Variants in CHST15 observed in about 807,000 individuals in gnomAD.
CHST15 encodes B cell RAG associated protein (GALNAC4S-6ST).
In CHST15, 30 loss-of-function variants were observed where a neutral mutation model predicts 53.6. The observed-to-expected ratio is 0.56, with a 90% CI of 0.42 to 0.76. The LOEUF (loss-of-function observed/expected upper bound fraction) is 0.76. CHST15 is among the 30% of genes least tolerant of loss of function. The pLI is 0.00. For missense variants in CHST15, 627 were observed against 740.5 expected (o/e 0.85, Z 1.78); for synonymous variants, 296 against 289.8 (o/e 1.02, Z -0.22).
Position 124,046,250 on chromosome 10 carries a change from C to T in CHST15, c.-38G>A. ...GCCCTGGGCTGCTGGCTTACCGAGC[C>T]ATGGGTGGGCCCCCCACGAGTCTGG... On this transcript the variant is annotated 5_prime_UTR_variant, in exon 2 of 8. The change abolishes an upstream ATG in the 5' untranslated region. Transcript: ENST00000435907. 6.5e-7 allele frequency: 1 copy of T among 1,536,972 alleles called. No homozygotes were observed.
At chr10:124,078,184 C>A (rs1334026688) in intron 1 of CHST15, among the ~76,000 whole-genome samples, 6 of 152,226 alleles carry the variant, frequency 3.9e-5, no homozygotes, top group Non-Finnish European at 5.9e-5. Context: ...AGGACAGCCC[C>A]AGGGCACACA....
intron 1 of CHST15, among the ~76,000 whole-genome samples, chr10:124,049,964 G>A (rs74815147): frequency 0.011 from 1,723 of 152,254 alleles, 32 homozygotes; most frequent in African/African-American, 0.039. Context: ...TGAATTGAAT[G>A]GTAAGATAAT....
Position 124,022,811 on chromosome 10 carries a change from CTTT to C in CHST15, c.1191-1402_1191-1400del, listed in dbSNP as rs924775599. On this transcript the variant is annotated intron_variant, in intron 5 of 7. Coordinates refer to ENST00000435907, the MANE Select transcript of CHST15 (RefSeq NM_001270764.2). Reference sequence around the variant, plus strand: ...CCCCTCGCCCTGCTCCTTGGCATTTCTTTTTTTTTTTTTTTTTTTTTTTGAGAC... The same window carrying C: ...CCCCTCGCCCTGCTCCTTGGCATTTCTTTTTTTTTTTTTTTTTTTTGAGAC... Among the ~76,000 whole-genome samples, 22 of 100,422 alleles carry C rather than the reference CTTT, an allele frequency of 2.2e-4. No homozygotes were observed. The South Asian group carries it at 6.4e-3, about 29-fold the overall frequency. The allele number at this position is 100,422 out of a possible 152,430, so 65.9% of individuals were successfully genotyped here.
intron 7 of CHST15, among the ~76,000 whole-genome samples, chr10:124,012,023 C>T (rs142507524): frequency 1.3e-4 from 20 of 152,284 alleles, no homozygotes; most frequent in African/African-American, 4.3e-4. Context: ...ACCTTCCCCA[C>T]GGCATCCTAC....
chr10:124,079,498 T>C (rs528020279), intron 1 of CHST15, among the ~76,000 whole-genome samples: 2 of 152,168 alleles, frequency 1.3e-5, no homozygotes, highest in Admixed American at 6.5e-5. Context: ...GTTCAGGGTG[T>C]CCTGATGCAG....
intron 1 of CHST15, among the ~76,000 whole-genome samples, chr10:124,061,893 G>A (rs1227084163): frequency 1.3e-5 from 2 of 152,038 alleles, no homozygotes; most frequent in Non-Finnish European, 2.9e-5. Context: ...GGCAGAGGTG[G>A]GCTAAAGACT....
intron 6 of CHST15, among the ~76,000 whole-genome samples, chr10:124,013,166 C>A (rs1022332773): frequency 3.9e-5 from 6 of 152,170 alleles, no homozygotes; most frequent in Non-Finnish European, 5.9e-5. Context: ...GATGTCTGGG[C>A]CCCTGGATGT....
intron 1 of CHST15, among the ~76,000 whole-genome samples, chr10:124,054,937 A>G (rs911392995): frequency 2.0e-5 from 3 of 152,178 alleles, no homozygotes; most frequent in African/African-American, 7.2e-5. Flanking sequence ...CTCTTCCTGC[A>G]TACTCCAAGC....
intron 3 of CHST15, among the ~76,000 whole-genome samples, chr10:124,044,112 C>A (rs920357065): frequency 6.6e-6 from 1 of 150,790 alleles, no homozygotes; most frequent in Non-Finnish European, 1.5e-5. Context: ...CGGCACAGAG[C>A]AGAGGAACGG....
chr10:124,044,536 T>C, intron 3 of CHST15, 44 bp downstream of exon 3: 7 of 1,421,300 alleles, frequency 4.9e-6, no homozygotes, highest in Non-Finnish European at 6.5e-6. Flanking sequence ...AATGAACGAA[T>C]GAAGGAACGA....
At chr10:124,012,531 A>G in intron 6 of CHST15, 51 bp from the exon 7 acceptor site, 2 of 1,563,098 alleles carry the variant, frequency 1.3e-6, no homozygotes, top group Non-Finnish European at 1.7e-6. Context: ...CCCCAACACC[A>G]TAGGGCACTT....
In CHST15 at chr10:124,010,248, CCACATGGGCCCCAGGTTCCG is replaced by C. The variant is rs771089642; in HGVS notation, c.1567_1586del (p.Arg523AlafsTer17). The stretch of plus-strand genomic sequence containing the variant: ...CCCGCAGAATCTTCTGTGTGATGGG[CCACATGGGCCCCAGGTTCCG>C]GTCCTCGGGACGCCGTGCATTGGAT... On this transcript the variant is annotated frameshift_variant, in exon 8 of 8. Transcript: ENST00000435907. LOFTEE classifies it high-confidence loss of function. 6.2e-7 allele frequency: 1 copy of C among 1,614,012 alleles called. No homozygotes were observed. Among genetic ancestry groups the C allele is most frequent in the African/African-American group, 1.3e-5 (1 of 74,938 alleles).
chr10:124,015,799 G>A (rs79156315), intron 6 of CHST15, among the ~76,000 whole-genome samples: 3,311 of 152,296 alleles, frequency 0.022, 113 homozygotes, highest in African/African-American at 0.075. Context: ...ACAGACTTCC[G>A]CGATCACCTT....
At chr10:124,038,473 T>C in intron 5 of CHST15, 42 bp downstream of exon 5, 3 of 1,600,144 alleles carry the variant, frequency 1.9e-6, no homozygotes, top group East Asian at 2.2e-5. Context: ...TCTTCAAAAG[T>C]TCCTCTTCTC....
rs540353011 is a variant in CHST15 at position 124,048,763 on chromosome 10, C to T, written c.-512-2039G>A. ...CTCCTGTCTTTCTGCTGCAGAAAAT[C>T]GAATTAGATTCTTTAAAAAGCAAAC... On this transcript the variant is annotated intron_variant, in intron 1 of 7. Coordinates refer to ENST00000435907, the MANE Select transcript of CHST15 (RefSeq NM_001270764.2). 4.6e-5 allele frequency among the ~76,000 whole-genome samples: 7 copies of T among 152,250 alleles called. No homozygotes were observed. The East Asian group carries it at 5.8e-4, about 13-fold the overall frequency.
intron 1 of CHST15, among the ~76,000 whole-genome samples, chr10:124,054,892 G>T (rs190346417): frequency 1.3e-5 from 2 of 152,286 alleles, no homozygotes; most frequent in East Asian, 3.9e-4. Context: ...AAACATTGGA[G>T]AAATTATAGT....
intron 5 of CHST15, among the ~76,000 whole-genome samples, chr10:124,028,011 G>C (rs1947078207): frequency 6.6e-6 from 1 of 152,208 alleles, no homozygotes; most frequent in Non-Finnish European, 1.5e-5. Flanking sequence ...ATTTGGAAGA[G>C]AAAGTCAATT....
In CHST15 at chr10:124,046,408, C is replaced by T. The variant is rs746734350; in HGVS notation, c.-196G>A. 3.3e-5 allele frequency: 18 copies of T among 538,018 alleles called. No individual in the cohort carries two copies. Among genetic ancestry groups the T allele is most frequent in the African/African-American group, 1.5e-4 (8 of 51,868 alleles). The allele number at this position is 538,018 out of a possible 1,614,324, so 33.3% of individuals were successfully genotyped here. ...GGGTGCACATTCTTTGGTTCAGCTCCGAAAGAAAACAAAAGGAAGTGATGT... is the reference window on the plus strand; with the variant it reads ...GGGTGCACATTCTTTGGTTCAGCTCTGAAAGAAAACAAAAGGAAGTGATGT... On this transcript the variant is annotated 5_prime_UTR_variant, in exon 2 of 8. Transcript: ENST00000435907.
chr10:124,044,866 C>T lies in CHST15; in HGVS notation c.600G>A (p.Trp200Ter), dbSNP rs1419854730. Residue 200 changes from tryptophan to a stop codon, truncating the protein, a stop_gained, in exon 3 of 8, where the codon TGG becomes TGA. Coordinates refer to ENST00000435907, the MANE Select transcript of CHST15 (RefSeq NM_001270764.2). LOFTEE classifies it high-confidence loss of function. ...TGTTCTGCCCCGAGAACTCCTCGTA[C>T]CAACAGGGGCTCTTACTGTTTGGAA... ...KFLPNSKSPC[W>*]YEEFSGQNTT... 6.8e-7 allele frequency: 1 copy of T among 1,480,844 alleles called. No individual in the cohort carries two copies. Among genetic ancestry groups the T allele is most frequent in the Non-Finnish European group, 9.0e-7 (1 of 1,113,232 alleles). The allele number at this position is 1,480,844 out of a possible 1,614,324, so 91.7% of individuals were successfully genotyped here.
Sources: allele counts gnomAD v4.1 joint callset (sites outside exome capture counted in the v4.1 genomes callset), GRCh38; gene constraint gnomAD v4.1.1; transcripts MANE v1.5; gene names NCBI Gene and HGNC (gene_info 2026-07-23, HGNC 2026-07-21).